Variants in CX3CR1 observed in about 807,000 individuals in gnomAD.
The protein encoded by CX3CR1 is C-X3-C motif chemokine receptor 1.
For missense variants in CX3CR1, 363 were observed against 432.4 expected, an observed-to-expected ratio of 0.84 and a Z score of 1.42; for synonymous variants, 168 against 178.5, an observed-to-expected ratio of 0.94 and a Z score of 0.47.
At chr3:39,282,988 C>G (rs2040916950), upstream of CX3CR1, among the ~76,000 whole-genome samples, 1 of 152,250 alleles carries the variant, frequency 6.6e-6, no homozygotes, top group African/African-American at 2.4e-5. Flanking sequence ...ATCTCCTGGG[C>G]TCGAACGATC....
At chr3:39,291,306 C>A in the CX3CR1 span, among the ~76,000 whole-genome samples, 2,591 of 152,226 alleles carry the variant, frequency 0.017, 67 homozygotes, top group African/African-American at 0.059. Context: ...ATCCACCAGC[C>A]TCCGTCTCCC....
the CX3CR1 span, chr3:39,286,974 A>G: frequency 1.3e-5 from 2 of 152,244 alleles, no homozygotes; most frequent in Admixed American, 1.3e-4. Flanking sequence ...TTGTCAATGA[A>G]AACTTAAACA....
At chr3:39,289,578 T>C in the CX3CR1 span, among the ~76,000 whole-genome samples, 2 of 151,974 alleles carry the variant, frequency 1.3e-5, no homozygotes, top group African/African-American at 2.4e-5. Flanking sequence ...GGCAATCTTG[T>C]CCCTCTCCTC....
intron 1 of CX3CR1, among the ~76,000 whole-genome samples, chr3:39,270,450 C>T (rs1337219287): frequency 6.6e-6 from 1 of 152,158 alleles, no homozygotes; most frequent in Non-Finnish European, 1.5e-5. Flanking sequence ...GAATACCAAG[C>T]AGCTGCTTAA....
upstream of CX3CR1, among the ~76,000 whole-genome samples, chr3:39,285,212 GA>G (rs4016656): frequency 0.41 from 47,723 of 115,470 alleles, 9,295 homozygotes; most frequent in Middle Eastern, 0.5. Context: ...CATTGGTACA[GA>G]AAAAAAAAAA....
At chr3:39,278,081 G>A (rs554929285) in intron 1 of CX3CR1, among the ~76,000 whole-genome samples, 87 of 152,306 alleles carry the variant, frequency 5.7e-4, no homozygotes, top group Non-Finnish European at 1.0e-3. Flanking sequence ...GCAGAGCCAG[G>A]ACTTCATTCC....
At chr3:39,278,293 C>T (rs2040860613) in intron 1 of CX3CR1, among the ~76,000 whole-genome samples, 1 of 152,236 alleles carries the variant, frequency 6.6e-6, no homozygotes, top group Admixed American at 6.5e-5. Context: ...TGGGCTGAGA[C>T]TATTTCCTGC....
chr3:39,275,766 A>G (rs2040833257), intron 1 of CX3CR1, among the ~76,000 whole-genome samples: 1 of 152,232 alleles, frequency 6.6e-6, no homozygotes, highest in South Asian at 2.1e-4. Context: ...GCACTGTGCT[A>G]GATTCTGTAG....
At chr3:39,266,634 C>T (rs908872960) in intron 1 of CX3CR1, 116 bp from the exon 2 acceptor site, 6 of 989,790 alleles carry the variant, frequency 6.1e-6, no homozygotes, top group Non-Finnish European at 8.1e-6. Flanking sequence ...TGGGTGCACA[C>T]TACATTTCCC....
At chr3:39,283,795 T>TTA (rs59133796), upstream of CX3CR1, among the ~76,000 whole-genome samples, 1,594 of 64,622 alleles carry the variant, frequency 0.025, 54 homozygotes, top group East Asian at 0.043. Flanking sequence ...AAAAAAAAAA[T>TTA]TATATATATA....
At chr3:39,274,879 G>A (rs1224486660) in intron 1 of CX3CR1, among the ~76,000 whole-genome samples, 1 of 108,770 alleles carries the variant, frequency 9.2e-6, no homozygotes, top group Non-Finnish European at 1.9e-5. Context: ...TTTTTTTTTT[G>A]ACATGGAGTT....
intron 1 of CX3CR1, among the ~76,000 whole-genome samples, chr3:39,268,786 A>G (rs1462256778): frequency 6.6e-6 from 1 of 152,210 alleles, no homozygotes; most frequent in East Asian, 1.9e-4. Context: ...TGTCTGTAAG[A>G]TCGGGATTCA....
chr3:39,290,456 T>A, the CX3CR1 span, among the ~76,000 whole-genome samples: 4 of 152,228 alleles, frequency 2.6e-5, no homozygotes, highest in African/African-American at 4.8e-5. Context: ...GTTTTCACTT[T>A]CTTTTTTCAT....
At chr3:39,281,770 T>G (rs547198750), upstream of CX3CR1, 421 of 1,116,982 alleles carry the variant, frequency 3.8e-4, 2 homozygotes, top group African/African-American at 5.1e-3. Flanking sequence ...CCACTTCCAC[T>G]TCCCCCAACA....
chr3:39,288,222 G>A, the CX3CR1 span, among the ~76,000 whole-genome samples: 1 of 152,074 alleles, frequency 6.6e-6, no homozygotes, highest in Non-Finnish European at 1.5e-5. Flanking sequence ...ATTGGTAATT[G>A]CCGCTATTAT....
upstream of CX3CR1, among the ~76,000 whole-genome samples, chr3:39,284,405 G>A (rs1305197410): frequency 6.6e-6 from 1 of 152,090 alleles, no homozygotes; most frequent in Non-Finnish European, 1.5e-5. Flanking sequence ...CAAGTGATCT[G>A]CCCACCTTGG....
At chr3:39,284,440 G>C (rs1005682039), upstream of CX3CR1, among the ~76,000 whole-genome samples, 8 of 152,184 alleles carry the variant, frequency 5.3e-5, no homozygotes, top group African/African-American at 1.4e-4. Flanking sequence ...GGGATTACAG[G>C]CGTGAGCCAC....
At chr3:39,282,649 TGG>T (rs1294262265), upstream of CX3CR1, among the ~76,000 whole-genome samples, 2 of 152,004 alleles carry the variant, frequency 1.3e-5, no homozygotes, top group Non-Finnish European at 2.9e-5. Flanking sequence ...ACTGGAGACT[TGG>T]TGTGAATAAA....
rs550232627 is a variant in CX3CR1 at position 39,266,468 on chromosome 3, G to A, written c.42C>T (p.Tyr14=). 30 of 1,613,898 alleles carry A rather than the reference G, an allele frequency of 1.9e-5. No homozygotes were observed. The East Asian group carries it at 2.9e-4, about 16-fold the overall frequency. The change falls in exon 2 of 2, where the codon TAC becomes TAT. Residue 14 remains tyrosine (Y), a synonymous_variant. Transcript: ENST00000399220. The stretch of plus-strand genomic sequence containing the variant: ...TATAACAGGCCTCAGCCAAATCATC[G>A]TACTCAAAGTTTTCTGTCACTGATT... ...FPESVTENFE[Y]DDLAEACYIG...
Sources: allele counts gnomAD v4.1 joint callset (sites outside exome capture counted in the v4.1 genomes callset), GRCh38; gene constraint gnomAD v4.1.1; transcripts MANE v1.5; gene names NCBI Gene and HGNC (gene_info 2026-07-23, HGNC 2026-07-21).